NRDC: variants seen among roughly 807,000 people sequenced by gnomAD.
The protein encoded by NRDC is nardilysin.
Under a neutral mutation model 147.1 loss-of-function variants are expected in NRDC, and 54 were observed. That is an observed-to-expected ratio of 0.37 (90% CI 0.29 to 0.46). The LOEUF (loss-of-function observed/expected upper bound fraction) is 0.46, where lower values mean the gene tolerates loss of function less well. Ranked by LOEUF, NRDC falls within the 20% of genes least tolerant of loss-of-function variation. The pLI, the probability that NRDC is intolerant of heterozygous loss-of-function variation, is 1.00. For missense variants in NRDC, 1,082 were observed against 1,370.6 expected, an observed-to-expected ratio of 0.79 and a Z score of 3.33; for synonymous variants, 440 against 482.1, an observed-to-expected ratio of 0.91 and a Z score of 1.14.
intron 30 of NRDC, 24 bp from the exon 31 acceptor site, chr1:51,789,457 T>C (rs1341555508): frequency 2.5e-6 from 4 of 1,612,222 alleles, no homozygotes; most frequent in Non-Finnish European, 3.4e-6. Context: ...AAGACAAAAG[T>C]GAAAAATATG....
intron 14 of NRDC, among the ~76,000 whole-genome samples, chr1:51,813,647 G>T (rs1345434635): frequency 6.6e-6 from 1 of 152,224 alleles, no homozygotes; most frequent in Admixed American, 6.5e-5. Context: ...GAATTCCAAA[G>T]CACAATGTTT....
chr1:51,856,247 AACC>A (rs967713031), intron 1 of NRDC, among the ~76,000 whole-genome samples: 7 of 152,186 alleles, frequency 4.6e-5, no homozygotes, highest in African/African-American at 1.7e-4. Context: ...AATGGTCAGC[AACC>A]AAAGTCTTCT....
chr1:51,839,389 T>C (rs1229162782), intron 2 of NRDC, among the ~76,000 whole-genome samples: 1 of 152,104 alleles, frequency 6.6e-6, no homozygotes, highest in Non-Finnish European at 1.5e-5. Flanking sequence ...GTCTCAGAAC[T>C]CCTGGACTCA....
intron 1 of NRDC, among the ~76,000 whole-genome samples, chr1:51,849,264 G>A (rs1681814736): frequency 6.6e-6 from 1 of 151,880 alleles, no homozygotes; most frequent in South Asian, 2.1e-4. Flanking sequence ...CAGGCATGGT[G>A]GTGAGCGCCT....
chr1:51,846,922 C>T (rs1472973783), intron 1 of NRDC, among the ~76,000 whole-genome samples: 1 of 152,130 alleles, frequency 6.6e-6, no homozygotes, highest in Non-Finnish European at 1.5e-5. Context: ...TTCTCCACCT[C>T]CCCACTAGAT....
chr1:51,853,009 G>A (rs866351647), intron 1 of NRDC, among the ~76,000 whole-genome samples: 47 of 152,110 alleles, frequency 3.1e-4, no homozygotes, highest in African/African-American at 1.1e-3. Flanking sequence ...AGATCATGGT[G>A]TCAGGAGTTC....
chr1:51,854,866 T>C (rs1201182408), intron 1 of NRDC, among the ~76,000 whole-genome samples: 1 of 152,232 alleles, frequency 6.6e-6, no homozygotes, highest in Non-Finnish European at 1.5e-5. Context: ...TTCAGAAACC[T>C]GTGCCCACAC....
chr1:51,823,556 G>C, intron 7 of NRDC, 108 bp downstream of exon 7: 2 of 163,934 alleles, frequency 1.2e-5, no homozygotes, highest in African/African-American at 4.2e-5. Context: ...TTTGTATTAA[G>C]GTCAAGCACT....
In NRDC at chr1:51,814,910, G is replaced by T. The variant is rs867306261; in HGVS notation, c.1440-97C>A. The T allele has an allele frequency of 7.4e-5, 96 of 1,293,658 alleles. No homozygotes were observed. In the Middle Eastern group the frequency reaches 3.2e-3, roughly 43 times the overall value. The allele number at this position is 1,293,658 out of a possible 1,614,324, so 80.1% of individuals were successfully genotyped here. ...AATATAGAGGCTTTCTATGTAAAAT[G>T]TGGAAATCTCAGCCTTTGAATGTAA... On this transcript the variant is annotated intron_variant, in intron 11 of 30. Coordinates refer to ENST00000352171, the MANE Select transcript of NRDC (RefSeq NM_001101662.2).
intron 1 of NRDC, among the ~76,000 whole-genome samples, chr1:51,866,398 T>G (rs1442524237): frequency 3.3e-5 from 5 of 152,160 alleles, no homozygotes; most frequent in African/African-American, 1.2e-4. Flanking sequence ...GTCATTTCAC[T>G]TATAGGTATC....
chr1:51,855,279 G>A (rs567862925), intron 1 of NRDC, among the ~76,000 whole-genome samples: 6 of 152,240 alleles, frequency 3.9e-5, no homozygotes, highest in African/African-American at 1.4e-4. Flanking sequence ...GGTCCTCTTT[G>A]CGTAGCATCC....
chr1:51,832,293 C>A (rs7535483), intron 4 of NRDC, among the ~76,000 whole-genome samples: 14,107 of 152,138 alleles, frequency 0.093, 1,245 homozygotes, highest in African/African-American at 0.23. Context: ...GTTATCCGCC[C>A]ACCTCGGCCC....
chr1:51,861,797 C>T (rs912026924), intron 1 of NRDC, among the ~76,000 whole-genome samples: 4 of 152,098 alleles, frequency 2.6e-5, no homozygotes, highest in Non-Finnish European at 5.9e-5. Context: ...TTTGACAAAC[C>T]AAACATTGGT....
chr1:51,823,219 G>A (rs1680284970), intron 7 of NRDC, among the ~76,000 whole-genome samples: 1 of 152,150 alleles, frequency 6.6e-6, no homozygotes, highest in South Asian at 2.1e-4. Flanking sequence ...TTCTTAAATT[G>A]TCACCATGTC....
chr1:51,858,863 A>G (rs964092931), intron 1 of NRDC, among the ~76,000 whole-genome samples: 6 of 152,210 alleles, frequency 3.9e-5, no homozygotes, highest in African/African-American at 1.4e-4. Context: ...GGAAATCTCC[A>G]TTTGTAAGGG....
At chr1:51,837,505 AC>A in intron 2 of NRDC, 1 of 1,589,628 alleles carries the variant, frequency 6.3e-7, no homozygotes, top group Non-Finnish European at 8.6e-7. Flanking sequence ...AGCTCCAACT[AC>A]CCCATAAAGA....
intron 2 of NRDC, among the ~76,000 whole-genome samples, chr1:51,839,816 TTTC>T (rs1681176026): frequency 6.6e-6 from 1 of 152,184 alleles, no homozygotes; most frequent in Non-Finnish European, 1.5e-5. Flanking sequence ...GCCCCATTCT[TTTC>T]TTCTTCTTTT....
intron 29 of NRDC, among the ~76,000 whole-genome samples, chr1:51,790,319 G>A (rs1287672229): frequency 1.3e-5 from 2 of 152,168 alleles, no homozygotes; most frequent in Non-Finnish European, 2.9e-5. Context: ...ATTGAAATTG[G>A]TGGTGGTGTG....
In NRDC at chr1:51,805,526, G is replaced by A; in HGVS notation, c.2146C>T (p.Gln716Ter). The change falls in exon 19 of 31, where the codon CAG (glutamine) becomes TAG (stop). Residue 716 changes from glutamine to a stop codon, truncating the protein, a stop_gained. Transcript: ENST00000352171. LOFTEE classifies it high-confidence loss of function. ...ATTGCTTACTTTGCTGCAGATTTCT[G>A]TATCAACGGTGAAATTAGATGGAAA... is the stretch of plus-strand genomic sequence containing the variant. ...IRFHLISPLI[Q>*]KSAANVVLFD... 1 of 1,585,866 alleles carries A rather than the reference G, an allele frequency of 6.3e-7. No individual in the cohort carries two copies. The highest frequency in any genetic ancestry group is 8.5e-7 in the Non-Finnish European group (1 of 1,171,028).
Sources: allele counts gnomAD v4.1 joint callset (sites outside exome capture counted in the v4.1 genomes callset), GRCh38; gene constraint gnomAD v4.1.1; transcripts MANE v1.5; gene names NCBI Gene and HGNC (gene_info 2026-07-23, HGNC 2026-07-21).